NRXN3: variants seen among roughly 807,000 people sequenced by gnomAD.
NRXN3 encodes neurexin 3.
In NRXN3, 32 loss-of-function variants were observed where a neutral mutation model predicts 137.6. The ratio of observed to expected loss-of-function variants is 0.23; its 90% CI spans 0.18 to 0.31. NRXN3 has a LOEUF of 0.31. Among genes scored for constraint, NRXN3 ranks in the 10% least tolerant of loss-of-function variants. NRXN3 has a pLI of 1.00. For synonymous variants in NRXN3, 798 were observed against 784.5 expected (o/e 1.02, Z -0.29); for missense variants, 1,574 against 2,062.5 (o/e 0.76, Z 4.59).
At chr14:78,236,729 T>TCCCC (rs5809870) in intron 1 of NRXN3, among the ~76,000 whole-genome samples, 3 of 141,282 alleles carry the variant, frequency 2.1e-5, no homozygotes, top group African/African-American at 7.7e-5. Context: ...TAGGTATTAT[T>TCCCC]CCCCCCCCCC....
At chr14:79,569,166 T>G (rs1382763928) in intron 16 of NRXN3, among the ~76,000 whole-genome samples, 1 of 152,224 alleles carries the variant, frequency 6.6e-6, no homozygotes, top group African/African-American at 2.4e-5. Flanking sequence ...TTTTTTTTCT[T>G]AAGTCTCACC....
intron 2 of NRXN3, among the ~76,000 whole-genome samples, chr14:78,265,113 AT>A (rs1487582042): frequency 6.6e-6 from 1 of 152,170 alleles, no homozygotes; most frequent in African/African-American, 2.4e-5. Context: ...AAAATGTTTT[AT>A]TGCATTTATA....
At chr14:79,295,291 A>T (rs2083876881) in intron 15 of NRXN3, among the ~76,000 whole-genome samples, 1 of 151,956 alleles carries the variant, frequency 6.6e-6, no homozygotes, top group Non-Finnish European at 1.5e-5. Flanking sequence ...CCTTCTTCTT[A>T]TACGTCAGGC....
chr14:78,796,929 G>A (rs2098823705), intron 8 of NRXN3, among the ~76,000 whole-genome samples: 1 of 152,076 alleles, frequency 6.6e-6, no homozygotes, highest in South Asian at 2.1e-4. Context: ...CATCTCAAGG[G>A]TGACAGGAGG....
chr14:79,269,653 C>T (rs367962392), intron 15 of NRXN3, among the ~76,000 whole-genome samples: 1 of 152,026 alleles, frequency 6.6e-6, no homozygotes, highest in African/African-American at 2.4e-5. Context: ...TATGTTTAGC[C>T]CACCATAGTT....
chr14:78,938,848 C>CTTTTTT (rs1255540319), intron 10 of NRXN3, among the ~76,000 whole-genome samples: 43 of 132,006 alleles, frequency 3.3e-4, no homozygotes, highest in Admixed American at 5.3e-4. Context: ...AGTGATTTTT[C>CTTTTTT]TTTTTTTTTT....
intron 7 of NRXN3, among the ~76,000 whole-genome samples, chr14:78,712,599 GC>G (rs1458116435): frequency 6.6e-6 from 1 of 152,130 alleles, no homozygotes; most frequent in African/African-American, 2.4e-5. Flanking sequence ...GTCTCACTCT[GC>G]CACCCAGCTT....
chr14:78,961,463 C>T (rs976446431), intron 11 of NRXN3, among the ~76,000 whole-genome samples: 2 of 151,988 alleles, frequency 1.3e-5, no homozygotes, highest in African/African-American at 2.4e-5. Context: ...TTAAAAAGAG[C>T]CCACATTCTC....
chr14:79,768,249 C>T (rs2099063293), intron 19 of NRXN3, among the ~76,000 whole-genome samples: 1 of 152,226 alleles, frequency 6.6e-6, no homozygotes, highest in South Asian at 2.1e-4. Flanking sequence ...AGCCAGGAAG[C>T]TCCAACTGGG....
chr14:78,989,877 C>T (rs73317263), intron 15 of NRXN3, among the ~76,000 whole-genome samples: 1,732 of 152,278 alleles, frequency 0.011, 23 homozygotes, highest in African/African-American at 0.036. Flanking sequence ...GTGGTGAGCA[C>T]GCACAATTTT....
At chr14:79,215,103 T>C (rs981572254) in intron 15 of NRXN3, among the ~76,000 whole-genome samples, 5 of 152,194 alleles carry the variant, frequency 3.3e-5, no homozygotes, top group African/African-American at 1.2e-4. Flanking sequence ...GCACTGGTGC[T>C]ACCGGATATT....
chr14:79,491,121 A>T (rs1386442998), intron 16 of NRXN3, among the ~76,000 whole-genome samples: 1 of 152,050 alleles, frequency 6.6e-6, no homozygotes, highest in African/African-American at 2.4e-5. Context: ...TCCGTCAAAG[A>T]TTGCAAAGGT....
At chr14:78,545,549 T>C (rs1056139452) in intron 4 of NRXN3, among the ~76,000 whole-genome samples, 3 of 152,200 alleles carry the variant, frequency 2.0e-5, no homozygotes, top group African/African-American at 4.8e-5. Flanking sequence ...TATACAAGTT[T>C]TTCAGGTCAT....
At chr14:79,132,787 A>C (rs2057724882) in intron 15 of NRXN3, among the ~76,000 whole-genome samples, 3 of 152,206 alleles carry the variant, frequency 2.0e-5, no homozygotes, top group Non-Finnish European at 4.4e-5. Flanking sequence ...ATTTTTAAGG[A>C]GTTCCCTGGG....
chr14:78,384,494 C>T (rs562926353), intron 4 of NRXN3, among the ~76,000 whole-genome samples: 8 of 152,200 alleles, frequency 5.3e-5, no homozygotes, highest in Middle Eastern at 3.4e-3. Flanking sequence ...CATGAGAGGT[C>T]TCAAACACAC....
chr14:79,336,054 C>A (rs193131895), intron 15 of NRXN3, among the ~76,000 whole-genome samples: 2 of 152,270 alleles, frequency 1.3e-5, no homozygotes, highest in Admixed American at 6.5e-5. Context: ...GCTTAGACTA[C>A]CTCAAGTTGG....
In NRXN3 at chr14:78,243,552, T is replaced by A; in HGVS notation, c.459T>A (p.Pro153=). ...VVSDLFLGGV[P]TDIRPSALTL... ...GTGACTTGTTCCTTGGTGGAGTCCC[T>A]ACTGACATACGACCTTCTGCCCTGA... The change falls in exon 2 of 21, where the codon CCT becomes CCA. Residue 153 remains proline (P), a synonymous_variant. Transcript: ENST00000335750. The surrounding 1 kb of genome is among the most constrained non-coding windows in gnomAD (Gnocchi z 4.2). The A allele has an allele frequency of 1.9e-6, 3 of 1,598,128 alleles. No individual in the cohort carries two copies.
Position 79,516,068 on chromosome 14 carries a change from G to A in NRXN3, c.3444+48666G>A, listed in dbSNP as rs540462474. Among the ~76,000 whole-genome samples, 6 of 152,276 alleles carry A rather than the reference G, an allele frequency of 3.9e-5. No homozygotes were observed. The East Asian group carries it at 9.7e-4, about 24-fold the overall frequency. Reference sequence around the variant, plus strand: ...GAGAGACTTATTTGAATTTACAGATGCCTTAGGACTCCAGTGAGCCACAGC... The same window carrying A: ...GAGAGACTTATTTGAATTTACAGATACCTTAGGACTCCAGTGAGCCACAGC... On this transcript the variant is annotated intron_variant, in intron 16 of 20. Transcript: ENST00000335750.
intron 1 of NRXN3, among the ~76,000 whole-genome samples, chr14:78,227,348 GA>G (rs201824696): frequency 1.3e-4 from 19 of 147,230 alleles, no homozygotes; most frequent in African/African-American, 2.7e-4. Flanking sequence ...GATGGGAGTT[GA>G]AAAAAAAAAC....
Sources: allele counts gnomAD v4.1 joint callset (sites outside exome capture counted in the v4.1 genomes callset), GRCh38; gene constraint gnomAD v4.1.1; non-coding constraint Gnocchi (gnomAD v3.1); transcripts MANE v1.5; gene names NCBI Gene and HGNC (gene_info 2026-07-23, HGNC 2026-07-21).